The following DPP10 variants were observed in gnomAD, a reference collection of about 807,000 sequenced individuals.
DPP10 encodes the protein dipeptidyl peptidase like 10.
DPP10 carries 33 observed loss-of-function variants against 120.9 expected under a neutral mutation model. The observed-to-expected ratio is 0.27, with a 90% CI of 0.21 to 0.37. The LOEUF (loss-of-function observed/expected upper bound fraction) is 0.37, where lower values mean the gene tolerates loss of function less well. DPP10 is among the 10% of genes least tolerant of loss of function. The pLI is 1.00. For missense variants in DPP10, 816 were observed against 942.8 expected (o/e 0.87, Z 1.76); for synonymous variants, 337 against 326.1 (o/e 1.03, Z -0.36).
chr2:114,886,731 G>T (rs2106622891), intron 1 of DPP10, among the ~76,000 whole-genome samples: 1 of 152,300 alleles, frequency 6.6e-6, no homozygotes, highest in African/African-American at 2.4e-5. Context: ...CCTCCCTGAA[G>T]AGTCTTGTAA....
chr2:115,254,988 G>A lies in DPP10; in HGVS notation c.61-54251G>A, dbSNP rs1039660461. On this transcript the variant is annotated intron_variant, in intron 1 of 25. Transcript: ENST00000410059. The stretch of plus-strand genomic sequence containing the variant: ...CTGCCATTCTGGGATCTGGAGGACA[G>A]TCGTCCTCTTCTCACAGCTCCACTA... 5.9e-5 allele frequency among the ~76,000 whole-genome samples: 9 copies of A among 152,134 alleles called. No homozygotes were observed. In the East Asian group the frequency reaches 1.7e-3, roughly 29 times the overall value.
intron 1 of DPP10, among the ~76,000 whole-genome samples, chr2:115,119,080 T>A (rs2049689379): frequency 6.6e-6 from 1 of 151,994 alleles, no homozygotes; most frequent in African/African-American, 2.4e-5. Flanking sequence ...TCATCTAGGG[T>A]TTGCATTTCT....
chr2:114,828,488 G>A (rs1686766297), intron 1 of DPP10: 1 of 152,140 alleles, frequency 6.6e-6, no homozygotes, highest in South Asian at 2.1e-4. Flanking sequence ...TATGCTTGTG[G>A]TAGAACTACA....
chr2:114,619,539 C>T (rs561854528), intron 1 of DPP10, among the ~76,000 whole-genome samples: 1 of 151,870 alleles, frequency 6.6e-6, no homozygotes. Context: ...TATCTTGTCT[C>T]TCTTCCCACT....
At chr2:115,552,969 G>T (rs2079968451) in intron 5 of DPP10, among the ~76,000 whole-genome samples, 1 of 151,972 alleles carries the variant, frequency 6.6e-6, no homozygotes, top group Non-Finnish European at 1.5e-5. Context: ...TTGAAACTAG[G>T]TTTATTCAGC....
intron 1 of DPP10, among the ~76,000 whole-genome samples, chr2:114,981,982 C>T (rs531722583): frequency 6.6e-6 from 1 of 151,448 alleles, no homozygotes; most frequent in African/African-American, 2.4e-5. Context: ...ACAACTTCCA[C>T]CTCCTGGGTT....
intron 1 of DPP10, among the ~76,000 whole-genome samples, chr2:115,016,413 C>T (rs892628149): frequency 2.6e-5 from 4 of 152,014 alleles, no homozygotes; most frequent in African/African-American, 9.7e-5. Flanking sequence ...AGAAGAAAAC[C>T]TAGGCAATAC....
chr2:115,406,036 G>C (rs1315949169), intron 3 of DPP10, among the ~76,000 whole-genome samples: 2 of 152,174 alleles, frequency 1.3e-5, no homozygotes, highest in Non-Finnish European at 2.9e-5. Flanking sequence ...TCTGAAAACA[G>C]TTTTATTCTC....
chr2:115,815,029 C>G, intron 20 of DPP10, 42 bp downstream of exon 20: 2 of 1,550,994 alleles, frequency 1.3e-6, no homozygotes, highest in Non-Finnish European at 1.8e-6. Context: ...TCTATAATGA[C>G]AGAGTCTTGG....
At chr2:115,516,971 A>G (rs960725762) in intron 4 of DPP10, among the ~76,000 whole-genome samples, 5 of 152,164 alleles carry the variant, frequency 3.3e-5, no homozygotes, top group Non-Finnish European at 5.9e-5. Flanking sequence ...GTTACCATGT[A>G]TTGGAAAGAC....
chr2:114,698,713 T>C (rs1700210699), intron 1 of DPP10, among the ~76,000 whole-genome samples: 1 of 152,024 alleles, frequency 6.6e-6, no homozygotes, highest in South Asian at 2.1e-4. Context: ...ACAAGGCCCT[T>C]AGAAGTGACT....
At chr2:115,078,991 CTTA>C (rs1196878006) in intron 1 of DPP10, among the ~76,000 whole-genome samples, 1 of 152,138 alleles carries the variant, frequency 6.6e-6, no homozygotes, top group East Asian at 1.9e-4. Flanking sequence ...GTTATCAAGT[CTTA>C]TTTTTTCTTC....
chr2:114,575,400 C>T (rs987495721), intron 1 of DPP10, among the ~76,000 whole-genome samples: 4 of 151,898 alleles, frequency 2.6e-5, no homozygotes, highest in African/African-American at 7.3e-5. Flanking sequence ...CTCTGGAAGA[C>T]GAGGATGTGG....
chr2:115,273,591 C>T (rs1483525553), intron 1 of DPP10, among the ~76,000 whole-genome samples: 2 of 152,206 alleles, frequency 1.3e-5, no homozygotes, highest in African/African-American at 2.4e-5. Context: ...CCGCCTCGGC[C>T]TCCCAAAGTG....
chr2:114,466,933 A>T (rs1296969317), intron 1 of DPP10, among the ~76,000 whole-genome samples: 2 of 152,058 alleles, frequency 1.3e-5, no homozygotes, highest in East Asian at 3.9e-4. Flanking sequence ...CTATAGTCCC[A>T]GCTACTCCGG....
intron 1 of DPP10, among the ~76,000 whole-genome samples, chr2:114,866,292 A>G (rs1376793418): frequency 1.3e-5 from 2 of 151,984 alleles, no homozygotes; most frequent in Non-Finnish European, 2.9e-5. Context: ...AAAAACTACT[A>G]TTTATTGAGA....
chr2:115,332,405 T>G (rs2062806500), intron 2 of DPP10, among the ~76,000 whole-genome samples: 1 of 152,152 alleles, frequency 6.6e-6, no homozygotes, highest in African/African-American at 2.4e-5. Context: ...TTTGAAGGGT[T>G]TTTTATATCT....
chr2:115,718,420 C>T (rs1265236742), intron 7 of DPP10, among the ~76,000 whole-genome samples: 1 of 152,178 alleles, frequency 6.6e-6, no homozygotes, highest in Non-Finnish European at 1.5e-5. Flanking sequence ...CATTTTTCTA[C>T]AGAACCATGA....
At position 115,436,053 on chromosome 2, in the gene DPP10, A is replaced by G. The variant is rs532554735; in HGVS notation, c.272-63457A>G. ...AGATGTTATTGGGAGTGGTAATATC[A>G]TTCTTTGTTTTACAAAACAACTCTG... is the stretch of plus-strand genomic sequence containing the variant. On this transcript the variant is annotated intron_variant, in intron 3 of 25. Transcript: ENST00000410059. 1.6e-3 allele frequency among the ~76,000 whole-genome samples: 241 copies of G among 152,044 alleles called. 10 individuals are homozygous for G. The South Asian group carries it at 0.042, about 26-fold the overall frequency.
Sources: gnomAD v4.1 joint callset for allele counts (sites outside exome capture counted in the v4.1 genomes callset) on GRCh38, gnomAD v4.1.1 for gene constraint, MANE v1.5 for transcripts, NCBI Gene and HGNC (gene_info 2026-07-23, HGNC 2026-07-21) for gene names.